Variants in STPG2 observed in about 807,000 individuals in gnomAD.
The protein encoded by STPG2 is sperm tail PG-rich repeat containing 2, also known as sperm-tail PG-rich repeat-containing protein 2.
STPG2 carries 56 observed loss-of-function variants against 54.2 expected under a neutral mutation model. The ratio of observed to expected loss-of-function variants is 1.03; its 90% CI spans 0.83 to 1.29. The LOEUF (loss-of-function observed/expected upper bound fraction) is 1.29. Ranked by LOEUF, STPG2 falls within the 50% of genes most tolerant of loss-of-function variation. STPG2 has a pLI of 0.00. For missense variants in STPG2, 596 were observed against 544.9 expected, an observed-to-expected ratio of 1.09 and a Z score of -0.93; for synonymous variants, 200 against 181.8, an observed-to-expected ratio of 1.10 and a Z score of -0.81.
At chr4:97,978,662 A>C (rs550312389) in intron 6 of STPG2, among the ~76,000 whole-genome samples, 1 of 152,336 alleles carries the variant, frequency 6.6e-6, no homozygotes, top group African/African-American at 2.4e-5. Context: ...ACTTAAAATA[A>C]AAGTTAAAAA....
intron 8 of STPG2, among the ~76,000 whole-genome samples, chr4:97,878,172 C>A (rs1730244869): frequency 6.6e-6 from 1 of 152,326 alleles, no homozygotes; most frequent in South Asian, 2.1e-4. Context: ...GGTACAGCCT[C>A]CCTCCCAGGT....
chr4:98,057,209 T>C (rs1317149891), intron 5 of STPG2, among the ~76,000 whole-genome samples: 2 of 152,216 alleles, frequency 1.3e-5, no homozygotes, highest in Non-Finnish European at 2.9e-5. Context: ...GAGGCTAAGA[T>C]GGCTGAAATG....
chr4:97,950,348 C>A (rs1236140040), intron 7 of STPG2, among the ~76,000 whole-genome samples: 1 of 152,054 alleles, frequency 6.6e-6, no homozygotes, highest in Non-Finnish European at 1.5e-5. Context: ...GCCTTGTCTT[C>A]AAGCACTGAA....
intron 5 of STPG2, among the ~76,000 whole-genome samples, chr4:98,004,750 C>G (rs1410994596): frequency 6.6e-6 from 1 of 152,056 alleles, no homozygotes; most frequent in Non-Finnish European, 1.5e-5. Context: ...TGATGTTAAG[C>G]ATTTTTTCAT....
chr4:97,893,629 T>C (rs1730851026), intron 8 of STPG2, among the ~76,000 whole-genome samples: 1 of 152,032 alleles, frequency 6.6e-6, no homozygotes, highest in African/African-American at 2.4e-5. Flanking sequence ...TAAAAAAACT[T>C]ACTGCTGTCA....
intron 9 of STPG2, among the ~76,000 whole-genome samples, chr4:97,784,935 A>T (rs1169207797): frequency 1.3e-5 from 2 of 151,996 alleles, no homozygotes; most frequent in Admixed American, 1.3e-4. Context: ...ATCTTTCTGT[A>T]TCTCTTCAAA....
chr4:97,446,931 T>C (rs1055282003), intron 4 of STPG2, among the ~76,000 whole-genome samples: 3 of 152,022 alleles, frequency 2.0e-5, no homozygotes, highest in African/African-American at 7.2e-5. Flanking sequence ...AACATGAAAA[T>C]GTGGAAGCAA....
intron 8 of STPG2, among the ~76,000 whole-genome samples, chr4:97,857,600 G>A (rs79455168): frequency 0.025 from 3,759 of 151,804 alleles, 100 homozygotes; most frequent in African/African-American, 0.072. Flanking sequence ...TCAAAACAAT[G>A]TCTCCTGGAT....
chr4:97,518,402 A>T (rs1731117194), intron 4 of STPG2, among the ~76,000 whole-genome samples: 1 of 152,122 alleles, frequency 6.6e-6, no homozygotes, highest in African/African-American at 2.4e-5. Context: ...GATACATTCA[A>T]GTATTCATTT....
chr4:97,678,718 G>A (rs1722932585), intron 10 of STPG2, among the ~76,000 whole-genome samples: 1 of 151,716 alleles, frequency 6.6e-6, no homozygotes, highest in African/African-American at 2.4e-5. Context: ...CTGGTGTGCT[G>A]CACCCATTAA....
intron 9 of STPG2, among the ~76,000 whole-genome samples, chr4:97,747,224 TG>T (rs1393385309): frequency 4.0e-5 from 6 of 151,338 alleles, no homozygotes; most frequent in Non-Finnish European, 4.4e-5. Flanking sequence ...TTCCATGCAC[TG>T]CAATCTATTA....
intron 5 of STPG2, among the ~76,000 whole-genome samples, chr4:98,012,025 G>C (rs1467866815): frequency 6.6e-6 from 1 of 152,116 alleles, no homozygotes; most frequent in Non-Finnish European, 1.5e-5. Flanking sequence ...TGAAATCTTT[G>C]TCCATGCCAA....
In STPG2 at chr4:97,633,216, TG is replaced by T. The variant is rs1034061320; in HGVS notation, c.1321-74100del. ...GGACTTGCCATTGGATGACAGTCTTTGATGCTTCTAAGTGTCAAATACAAAA... is the reference window on the plus strand; with the variant it reads ...GGACTTGCCATTGGATGACAGTCTTTATGCTTCTAAGTGTCAAATACAAAA... On this transcript the variant is annotated intron_variant, in intron 10 of 10. Coordinates refer to ENST00000295268, the MANE Select transcript of STPG2 (RefSeq NM_174952.3). Among the ~76,000 whole-genome samples, 19 of 152,312 alleles carry T rather than the reference TG, an allele frequency of 1.2e-4. No individual in the cohort carries two copies. In the East Asian group the frequency reaches 2.9e-3, roughly 23 times the overall value.
At chr4:97,971,366 A>G (rs540721208) in intron 7 of STPG2, among the ~76,000 whole-genome samples, 2 of 152,362 alleles carry the variant, frequency 1.3e-5, no homozygotes, top group East Asian at 1.9e-4. Context: ...TGTTTATTGC[A>G]GCACTATTCA....
intron 8 of STPG2, among the ~76,000 whole-genome samples, chr4:97,928,502 A>G (rs978334580): frequency 1.3e-5 from 2 of 152,172 alleles, no homozygotes; most frequent in African/African-American, 4.8e-5. Flanking sequence ...CACTTCATAA[A>G]CAAAAATATA....
intron 4 of STPG2, among the ~76,000 whole-genome samples, chr4:97,548,963 A>G (rs1340838937): frequency 3.3e-5 from 1 of 30,310 alleles, no homozygotes; most frequent in Non-Finnish European, 5.7e-5. Flanking sequence ...ACTCATTTTT[A>G]TTGTGATATT....
intron 9 of STPG2, among the ~76,000 whole-genome samples, chr4:97,801,046 G>T (rs1235840254): frequency 6.6e-6 from 1 of 152,196 alleles, no homozygotes; most frequent in Non-Finnish European, 1.5e-5. Context: ...CAGTATTAGG[G>T]TCGGACTGAC....
Position 97,910,233 on chromosome 4 carries a change from G to A in STPG2, c.1044+33664C>T, listed in dbSNP as rs1255362230. On this transcript the variant is annotated intron_variant, in intron 8 of 10. Coordinates refer to ENST00000295268, the MANE Select transcript of STPG2 (RefSeq NM_174952.3). Reference sequence around the variant, plus strand: ...AACTCTTGGGCAGAGCCATGTCATCGAACTCATCCTGTACTAAGTAAATAA... The same window carrying A: ...AACTCTTGGGCAGAGCCATGTCATCAAACTCATCCTGTACTAAGTAAATAA... Among the ~76,000 whole-genome samples, 9 of 152,222 alleles carry A rather than the reference G, an allele frequency of 5.9e-5. No individual in the cohort carries two copies. In the Middle Eastern group the frequency reaches 0.014, roughly 230 times the overall value.
chr4:97,623,882 T>C (rs1734075546), intron 10 of STPG2, among the ~76,000 whole-genome samples: 1 of 152,112 alleles, frequency 6.6e-6, no homozygotes, highest in South Asian at 2.1e-4. Context: ...AGTAAGAACT[T>C]GAAGTGTTTG....
Sources: allele counts gnomAD v4.1 joint callset (sites outside exome capture counted in the v4.1 genomes callset), GRCh38; gene constraint gnomAD v4.1.1; transcripts MANE v1.5; gene names NCBI Gene and HGNC (gene_info 2026-07-23, HGNC 2026-07-21).